KMT2C: variants seen among roughly 807,000 people sequenced by gnomAD.
KMT2C encodes the protein histone-lysine N-methyltransferase 2C.
Under a neutral mutation model 507.9 loss-of-function variants are expected in KMT2C, and 88 were observed. That is an observed-to-expected ratio of 0.17 (90% CI 0.15 to 0.21). KMT2C has a LOEUF of 0.21. Ranked by LOEUF, KMT2C falls within the 10% of genes least tolerant of loss-of-function variation. The pLI, the probability that KMT2C is intolerant of heterozygous loss-of-function variation, is 1.00. For missense variants in KMT2C, 4,954 were observed against 5,957.8 expected, an observed-to-expected ratio of 0.83 and a Z score of 5.55; for synonymous variants, 2,049 against 2,080.8, an observed-to-expected ratio of 0.98 and a Z score of 0.42.
rs200826811 is a variant in KMT2C at position 152,176,683 on chromosome 7, T to C, written c.8770A>G (p.Asn2924Asp). ...STPVLSSLLA[N>D]EKSDNSDIRP... Reference sequence around the variant, plus strand: ...ATGTCTGAATTATCAGATTTCTCATTAGCAAGTAAACTTGAGAGAACTGGA... The same window carrying C: ...ATGTCTGAATTATCAGATTTCTCATCAGCAAGTAAACTTGAGAGAACTGGA... The change falls in exon 38 of 59, where the codon AAT becomes GAT. Residue 2924 changes from asparagine to aspartate, a missense_variant. Around this residue, in one of 29 missense-constraint regions of KMT2C, gnomAD observed 1,689 missense variants for 1,654.3 expected, o/e 1.02. Coordinates refer to ENST00000262189, the MANE Select transcript of KMT2C (RefSeq NM_170606.3). 2.0e-5 allele frequency: 32 copies of C among 1,614,148 alleles called. No individual in the cohort carries two copies. In the Admixed American group the frequency reaches 3.0e-4, roughly 15 times the overall value.
At chr7:152,417,337 C>T (rs2097749518) in intron 1 of KMT2C, among the ~76,000 whole-genome samples, 1 of 152,052 alleles carries the variant, frequency 6.6e-6, no homozygotes, top group Non-Finnish European at 1.5e-5. Flanking sequence ...AGGCTGGTCT[C>T]GAACTCCTGA....
chr7:152,164,889 T>A (rs2092661992), intron 42 of KMT2C, among the ~76,000 whole-genome samples: 1 of 152,190 alleles, frequency 6.6e-6, no homozygotes, highest in Admixed American at 6.5e-5. Flanking sequence ...CACCATCTCA[T>A]TCAGCAAGCT....
chr7:152,290,356 G>A (rs1305265318), intron 6 of KMT2C, among the ~76,000 whole-genome samples: 4 of 124,488 alleles, frequency 3.2e-5, no homozygotes, highest in South Asian at 3.1e-4. Flanking sequence ...TGTCACCCAC[G>A]CTGGAGTGCA....
intron 1 of KMT2C, chr7:152,368,468 A>G: frequency 1.6e-6 from 2 of 1,228,770 alleles, no homozygotes; most frequent in South Asian, 2.6e-5. Flanking sequence ...CAAAAACTAA[A>G]GGACTCTGAA....
chr7:152,290,276 ATATATATATATATATATATTTTTTTTTT>A (rs2096396563), intron 6 of KMT2C, among the ~76,000 whole-genome samples: 2 of 27,254 alleles, frequency 7.3e-5, no homozygotes, highest in African/African-American at 3.6e-4. Context: ...ATATATATAT[ATATATATATATATATATATTTTTTTTTT>A]TTTTTTTTTT....
In KMT2C at chr7:152,163,695, G is replaced by A. The variant is rs1484630176; in HGVS notation, c.9882C>T (p.Ala3294=). Residue 3294 remains alanine (A), a synonymous_variant, in exon 43 of 59, where the codon GCC becomes GCT. Transcript: ENST00000262189. ...TGGGTTGGCTCATGGTGGGTGGAGT[G>A]GCACCTGGAATTAGGGGTGGCTGGG... ...VQPQPPLIPG[A]TPPTMSQPTF... 1 of 1,614,124 alleles carries A rather than the reference G, an allele frequency of 6.2e-7. No individual in the cohort carries two copies. Among genetic ancestry groups the A allele is most frequent in the Non-Finnish European group, 8.5e-7 (1 of 1,180,018 alleles).
At chr7:152,304,912 GA>G (rs1480155708) in intron 6 of KMT2C, among the ~76,000 whole-genome samples, 1 of 152,110 alleles carries the variant, frequency 6.6e-6, no homozygotes, top group Admixed American at 6.5e-5. Context: ...CGCCCCTAGG[GA>G]AACTTTTGTG....
intron 23 of KMT2C, among the ~76,000 whole-genome samples, chr7:152,218,623 T>C (rs1468968101): frequency 6.6e-6 from 1 of 152,186 alleles, no homozygotes; most frequent in East Asian, 1.9e-4. Context: ...GGTGTTCTTC[T>C]TTTCAGGAAC....
Position 152,197,933 on chromosome 7 carries a change from G to GA in KMT2C, c.4273+1345dup, listed in dbSNP as rs893836001. On this transcript the variant is annotated intron_variant, in intron 27 of 58. Transcript: ENST00000262189. ...ATTTTTGTGGAAAAAAATAAATAAA[G>GA]AAAAAAAAAAACTTGTATCAATATC... 6.4e-4 allele frequency among the ~76,000 whole-genome samples: 92 copies of GA among 144,080 alleles called. 1 individual carries two copies. Among genetic ancestry groups the GA allele is most frequent in the East Asian group, 3.4e-3 (17 of 5,022 alleles). 94.5% of individuals were successfully genotyped at this position (144,080 alleles called of 152,430 possible).
chr7:152,428,026 G>A (rs148902591), intron 1 of KMT2C, among the ~76,000 whole-genome samples: 74 of 152,192 alleles, frequency 4.9e-4, no homozygotes, highest in African/African-American at 1.7e-3. Context: ...TATTACCACA[G>A]TGTTTTTTTA....
intron 1 of KMT2C, among the ~76,000 whole-genome samples, chr7:152,427,551 A>G (rs1016489051): frequency 9.9e-5 from 15 of 152,138 alleles, no homozygotes; most frequent in African/African-American, 3.6e-4. Flanking sequence ...CCATTGATGC[A>G]TATTTTGTTG....
At chr7:152,290,220 A>ATATATGTGTG (rs1554617001) in intron 6 of KMT2C, among the ~76,000 whole-genome samples, 3 of 86,280 alleles carry the variant, frequency 3.5e-5, no homozygotes, top group African/African-American at 1.4e-4. Context: ...TTATATATAT[A>ATATATGTGTG]TGTGTGTGTG....
In KMT2C at chr7:152,152,921, G is replaced by T. The variant is rs773370171; in HGVS notation, c.12310C>A (p.Leu4104Ile). ...ISSVVAAFSD[L>I]LHVRIPNSYE... is the part of the protein sequence containing the mutation. ...CTGTTAGGGATTCGGACGTGAAGAAGGTCGGAAAATGCAGCCACAACACTG... is the reference window on the plus strand; with the variant it reads ...CTGTTAGGGATTCGGACGTGAAGAATGTCGGAAAATGCAGCCACAACACTG... Residue 4104 changes from leucine to isoleucine, a missense_variant, in exon 49 of 59, where the codon CTT becomes ATT. By Grantham distance (5) the Leu-to-Ile change is conservative. Transcript: ENST00000262189. 3 of 1,614,190 alleles carry T rather than the reference G, an allele frequency of 1.9e-6. No homozygotes were observed. The South Asian group carries it at 3.3e-5, about 18-fold the overall frequency.
At chr7:152,405,097 G>A (rs531199424) in intron 1 of KMT2C, among the ~76,000 whole-genome samples, 4 of 151,610 alleles carry the variant, frequency 2.6e-5, no homozygotes, top group South Asian at 2.1e-4. Context: ...CAAGCCACCC[G>A]CCTTGGCCTC....
At chr7:152,170,024 T>TGTATACAAGGTAATAATTATAAAC (rs1421268849) in intron 40 of KMT2C, among the ~76,000 whole-genome samples, 5 of 152,202 alleles carry the variant, frequency 3.3e-5, no homozygotes, top group Non-Finnish European at 7.3e-5. Flanking sequence ...TAACATGAGC[T>TGTATACAAGGTAATAATTATAAAC]GTATACAAGG....
chr7:152,179,096 T>C (rs1249705939), intron 37 of KMT2C, among the ~76,000 whole-genome samples: 3 of 152,230 alleles, frequency 2.0e-5, no homozygotes, highest in Non-Finnish European at 4.4e-5. Flanking sequence ...GTTCAAGTGA[T>C]CCTTTTGTCT....
chr7:152,366,803 G>A lies in KMT2C; in HGVS notation c.162-8128C>T, dbSNP rs151122187. On this transcript the variant is annotated intron_variant, in intron 1 of 58. Transcript: ENST00000262189. ...AGCTGCAGCCCTTCCGTGTCCGCAG[G>A]CTTCGGCCCGGCCGCCGCCGCCCAT... 3.7e-3 allele frequency: 817 copies of A among 222,884 alleles called. 2 individuals carry two copies. Among genetic ancestry groups the A allele is most frequent in the South Asian group, 7.3e-3 (71 of 9,720 alleles). The allele number at this position is 222,884 out of a possible 1,614,324, so 13.8% of individuals were successfully genotyped here.
At chr7:152,241,067 C>T (rs2360894) in intron 14 of KMT2C, among the ~76,000 whole-genome samples, 3 of 152,214 alleles carry the variant, frequency 2.0e-5, no homozygotes, top group Non-Finnish European at 4.4e-5. Flanking sequence ...TTTGTCTCCC[C>T]GCTGCTACGC....
At chr7:152,255,868 T>TA (rs2095652563) in intron 9 of KMT2C, among the ~76,000 whole-genome samples, 2 of 152,122 alleles carry the variant, frequency 1.3e-5, no homozygotes, top group South Asian at 4.1e-4. Context: ...GATTTAAATG[T>TA]AAAAAATAAA....
Sources: allele counts gnomAD v4.1 joint callset (sites outside exome capture counted in the v4.1 genomes callset), GRCh38; gene constraint gnomAD v4.1.1; regional missense constraint gnomAD v4.1.1; transcripts MANE v1.5; gene names NCBI Gene and HGNC (gene_info 2026-07-23, HGNC 2026-07-21).